The following NEGR1 variants were observed in gnomAD, a reference collection of about 807,000 sequenced individuals.
NEGR1 encodes the protein IgLON family member 4.
A neutral mutation model predicts 40.9 loss-of-function variants in NEGR1; 10 were observed. The ratio of observed to expected loss-of-function variants is 0.24; its 90% CI spans 0.15 to 0.42. The LOEUF (loss-of-function observed/expected upper bound fraction) is 0.42, where lower values mean the gene tolerates loss of function less well. Among genes scored for constraint, NEGR1 ranks in the 10% least tolerant of loss-of-function variants. The pLI is 1.00. For synonymous variants in NEGR1, 185 were observed against 166.8 expected, an observed-to-expected ratio of 1.11 and a Z score of -0.84; for missense variants, 352 against 438.9, an observed-to-expected ratio of 0.80 and a Z score of 1.77.
At chr1:71,907,021 G>C (rs147220217) in intron 2 of NEGR1, among the ~76,000 whole-genome samples, 2 of 152,114 alleles carry the variant, frequency 1.3e-5, no homozygotes, top group Non-Finnish European at 2.9e-5. Context: ...AAAATGTTAC[G>C]AATTAACTAT....
rs1650339902 is a variant in NEGR1 at position 71,613,530 on chromosome 1, C to T, written c.668-2384G>A. 2.6e-5 allele frequency among the ~76,000 whole-genome samples: 4 copies of T among 151,746 alleles called. No homozygotes were observed. In the South Asian group the frequency reaches 6.3e-4, roughly 24 times the overall value. Reference sequence around the variant, plus strand: ...GGCATAGTGGTGGGCACCTGTAATCCCAGCTGAAGCGGGAGGCTTGGGAGG... The same window carrying T: ...GGCATAGTGGTGGGCACCTGTAATCTCAGCTGAAGCGGGAGGCTTGGGAGG... On this transcript the variant is annotated intron_variant, in intron 4 of 6. Transcript: ENST00000357731.
intron 6 of NEGR1, chr1:71,477,265 T>A (rs951747767): frequency 4.6e-5 from 7 of 152,152 alleles, no homozygotes; most frequent in Admixed American, 1.3e-4. Flanking sequence ...AGTAATTTTG[T>A]TGACTTTCAC....
At chr1:71,949,175 T>A (rs1035767712) in intron 1 of NEGR1, among the ~76,000 whole-genome samples, 1 of 152,152 alleles carries the variant, frequency 6.6e-6, no homozygotes, top group Non-Finnish European at 1.5e-5. Context: ...GGGATATGAA[T>A]ACGCACTTGA....
At chr1:71,761,431 A>G (rs542685622) in intron 3 of NEGR1, among the ~76,000 whole-genome samples, 94 of 152,304 alleles carry the variant, frequency 6.2e-4, no homozygotes, top group African/African-American at 2.1e-3. Context: ...GTTTATCCTG[A>G]AGTAAATCTC....
intron 2 of NEGR1, among the ~76,000 whole-genome samples, chr1:71,884,085 T>C (rs866473202): frequency 4.6e-5 from 7 of 152,110 alleles, no homozygotes; most frequent in South Asian, 2.1e-4. Flanking sequence ...TGAAATCAAA[T>C]TGGTCATTTT....
intron 2 of NEGR1, among the ~76,000 whole-genome samples, chr1:71,912,320 A>G (rs146960052): frequency 6.6e-6 from 1 of 152,202 alleles, no homozygotes; most frequent in East Asian, 1.9e-4. Context: ...CCCACATCTC[A>G]TAACTCTGAT....
At position 72,131,908 on chromosome 1, in the gene NEGR1, C is replaced by A. The variant is rs996454695; in HGVS notation, c.176+150411G>T. On this transcript the variant is annotated intron_variant, in intron 1 of 6. Transcript: ENST00000357731. Reference sequence around the variant, plus strand: ...GGCCATGAGTTTGAGACCAGCCTGGCCAACATGGTGAAACCCTGTCTCTAC... The same window carrying A: ...GGCCATGAGTTTGAGACCAGCCTGGACAACATGGTGAAACCCTGTCTCTAC... 2.6e-5 allele frequency among the ~76,000 whole-genome samples: 4 copies of A among 152,006 alleles called. No individual in the cohort carries two copies. The East Asian group carries it at 7.7e-4, about 29-fold the overall frequency.
intron 1 of NEGR1, among the ~76,000 whole-genome samples, chr1:71,982,746 A>G (rs1445505841): frequency 3.3e-5 from 5 of 152,162 alleles, no homozygotes; most frequent in Non-Finnish European, 5.9e-5. Flanking sequence ...ACCTAATTGA[A>G]CTTAGTTTAA....
At chr1:71,985,358 ACT>A (rs1330635513) in intron 1 of NEGR1, among the ~76,000 whole-genome samples, 1 of 152,152 alleles carries the variant, frequency 6.6e-6, no homozygotes, top group African/African-American at 2.4e-5. Flanking sequence ...TTTCCCTGTA[ACT>A]CTGTATAATA....
At chr1:71,717,328 A>C (rs1320632661) in intron 3 of NEGR1, among the ~76,000 whole-genome samples, 2 of 152,204 alleles carry the variant, frequency 1.3e-5, no homozygotes, top group Non-Finnish European at 2.9e-5. Flanking sequence ...GCTGTTATGC[A>C]TTGTATGTCT....
At chr1:71,601,025 T>G (rs188518473) in intron 5 of NEGR1, among the ~76,000 whole-genome samples, 49 of 152,310 alleles carry the variant, frequency 3.2e-4, no homozygotes, top group African/African-American at 1.1e-3. Flanking sequence ...AAACATAGAA[T>G]TACGTTCAAA....
chr1:71,768,156 T>C (rs188837857), intron 3 of NEGR1, among the ~76,000 whole-genome samples: 46 of 152,248 alleles, frequency 3.0e-4, no homozygotes, highest in African/African-American at 1.0e-3. Flanking sequence ...GGGGCATTAC[T>C]TAGTGGAGTT....
At chr1:71,625,779 C>A (rs4146731) in intron 4 of NEGR1, among the ~76,000 whole-genome samples, 57,652 of 151,648 alleles carry the variant, frequency 0.38, 11,586 homozygotes, top group East Asian at 0.65. Context: ...TATCGTGTGC[C>A]TCTAACATGA....
At chr1:71,596,232 C>T (rs527670970) in intron 5 of NEGR1, among the ~76,000 whole-genome samples, 1 of 152,266 alleles carries the variant, frequency 6.6e-6, no homozygotes, top group East Asian at 1.9e-4. Flanking sequence ...ACCCTGCTGT[C>T]CTCTACTCTC....
At chr1:72,226,998 C>T (rs1343833875) in intron 1 of NEGR1, among the ~76,000 whole-genome samples, 3 of 151,968 alleles carry the variant, frequency 2.0e-5, no homozygotes, top group Non-Finnish European at 4.4e-5. Context: ...ACATGCAAAA[C>T]ATTTAATCAT....
chr1:71,974,447 T>C (rs1646284843), intron 1 of NEGR1, among the ~76,000 whole-genome samples: 1 of 152,188 alleles, frequency 6.6e-6, no homozygotes, highest in Non-Finnish European at 1.5e-5. Flanking sequence ...GAGCCTCTGA[T>C]AGACTATTAC....
intron 1 of NEGR1, among the ~76,000 whole-genome samples, chr1:72,213,678 A>G (rs927372603): frequency 1.3e-5 from 2 of 151,904 alleles, no homozygotes; most frequent in African/African-American, 4.8e-5. Context: ...TAAACCAGGT[A>G]AAGTTAAATC....
At chr1:71,797,032 A>G (rs1306724991) in intron 2 of NEGR1, among the ~76,000 whole-genome samples, 1 of 152,180 alleles carries the variant, frequency 6.6e-6, no homozygotes, top group Non-Finnish European at 1.5e-5. Flanking sequence ...CAGGATTTGT[A>G]TCATTAAAGA....
At chr1:71,681,604 T>A (rs897404896) in intron 4 of NEGR1, among the ~76,000 whole-genome samples, 1 of 152,196 alleles carries the variant, frequency 6.6e-6, no homozygotes, top group Admixed American at 6.5e-5. Context: ...CTGGTTGCAT[T>A]CATAGGAATT....
Sources: gnomAD v4.1 joint callset for allele counts (sites outside exome capture counted in the v4.1 genomes callset) on GRCh38, gnomAD v4.1.1 for gene constraint, MANE v1.5 for transcripts, NCBI Gene and HGNC (gene_info 2026-07-23, HGNC 2026-07-21) for gene names.